The following FSTL5 variants were observed in gnomAD, a reference collection of about 807,000 sequenced individuals.
FSTL5 encodes the protein follistatin like 5.
In FSTL5, 62 loss-of-function variants were observed where a neutral mutation model predicts 89.1. The observed-to-expected ratio is 0.70, with a 90% CI of 0.57 to 0.86. The LOEUF (loss-of-function observed/expected upper bound fraction) is 0.86. Among genes scored for constraint, FSTL5 ranks in the 40% least tolerant of loss-of-function variants. The pLI is 0.00. For synonymous variants in FSTL5, 383 were observed against 346.2 expected (o/e 1.11, Z -1.18); for missense variants, 1,057 against 1,001.6 (o/e 1.06, Z -0.75).
chr4:161,978,563 C>T (rs975366046), intron 3 of FSTL5, among the ~76,000 whole-genome samples: 1 of 151,970 alleles, frequency 6.6e-6, no homozygotes, highest in Non-Finnish European at 1.5e-5. Context: ...ATGAACTTTA[C>T]CCTTAAATAT....
chr4:162,062,951 T>C (rs1738770706), intron 2 of FSTL5, among the ~76,000 whole-genome samples: 1 of 151,732 alleles, frequency 6.6e-6, no homozygotes, highest in Admixed American at 6.6e-5. Context: ...TTTCTTGCCT[T>C]AGGTTCAAAT....
At chr4:161,830,097 G>A (rs1349244454) in intron 4 of FSTL5, among the ~76,000 whole-genome samples, 1 of 151,974 alleles carries the variant, frequency 6.6e-6, no homozygotes, top group Non-Finnish European at 1.5e-5. Flanking sequence ...CATTCAAAGG[G>A]ATTTTTGTTA....
At chr4:162,040,827 T>TTC (rs1737924558) in intron 2 of FSTL5, among the ~76,000 whole-genome samples, 1 of 152,106 alleles carries the variant, frequency 6.6e-6, no homozygotes, top group Admixed American at 6.6e-5. Flanking sequence ...ATCTTTTTTT[T>TTC]TCATTTTTCA....
chr4:161,798,227 A>G (rs1729691783), intron 4 of FSTL5, among the ~76,000 whole-genome samples: 1 of 151,716 alleles, frequency 6.6e-6, no homozygotes, highest in South Asian at 2.1e-4. Flanking sequence ...AATCTATGCT[A>G]CTTTCCAGCT....
chr4:161,598,285 G>A (rs1476269882), intron 7 of FSTL5, among the ~76,000 whole-genome samples: 1 of 152,066 alleles, frequency 6.6e-6, no homozygotes, highest in African/African-American at 2.4e-5. Flanking sequence ...TGAGACAGGA[G>A]AATAGCTTGA....
chr4:162,038,887 A>G (rs1737842657), intron 2 of FSTL5, among the ~76,000 whole-genome samples: 1 of 151,872 alleles, frequency 6.6e-6, no homozygotes, highest in South Asian at 2.1e-4. Context: ...GCATTGAGGT[A>G]GTAAACATTA....
intron 3 of FSTL5, among the ~76,000 whole-genome samples, chr4:161,992,930 G>GTGTA (rs370210932): frequency 1.2e-4 from 1 of 8,044 alleles, no homozygotes; most frequent in South Asian, 0.015. Flanking sequence ...ATATATGTGT[G>GTGTA]TATATATATA....
intron 4 of FSTL5, among the ~76,000 whole-genome samples, chr4:161,872,141 G>GTTTTTTTTTTTTTTTTTTT (rs1171950770): frequency 3.8e-5 from 3 of 79,562 alleles, no homozygotes; most frequent in Admixed American, 1.4e-4. Flanking sequence ...TTTTTTTTTG[G>GTTTTTTTTTTTTTTTTTTT]TTTTTTTTTT....
intron 6 of FSTL5, among the ~76,000 whole-genome samples, chr4:161,681,494 A>G (rs17457435): frequency 0.024 from 3,591 of 152,220 alleles, 52 homozygotes; most frequent in Non-Finnish European, 0.037. Flanking sequence ...CTGACAAATA[A>G]CAAGAGGCAG....
chr4:161,817,182 G>T (rs1185308173), intron 4 of FSTL5, among the ~76,000 whole-genome samples: 2 of 152,062 alleles, frequency 1.3e-5, no homozygotes, highest in African/African-American at 4.8e-5. Flanking sequence ...TTTTATTAGT[G>T]GAGAACTCAT....
chr4:161,454,476 G>A (rs1019046064), intron 15 of FSTL5, among the ~76,000 whole-genome samples: 2 of 152,072 alleles, frequency 1.3e-5, no homozygotes, highest in Admixed American at 1.3e-4. Context: ...TTCTCAAAGT[G>A]CAGACCTGAA....
At chr4:161,713,532 G>C (rs1454264417) in intron 6 of FSTL5, among the ~76,000 whole-genome samples, 2 of 152,116 alleles carry the variant, frequency 1.3e-5, no homozygotes, top group Admixed American at 6.6e-5. Flanking sequence ...GTCTTTCACA[G>C]AACACACTTT....
intron 2 of FSTL5, among the ~76,000 whole-genome samples, chr4:162,097,495 T>A (rs1032335568): frequency 6.6e-6 from 1 of 151,858 alleles, no homozygotes; most frequent in Admixed American, 6.6e-5. Context: ...TCAACACCAT[T>A]TTCTACAAAA....
chr4:161,698,456 G>A (rs907145255), intron 6 of FSTL5, among the ~76,000 whole-genome samples: 2 of 152,176 alleles, frequency 1.3e-5, no homozygotes, highest in Non-Finnish European at 2.9e-5. Flanking sequence ...ACATAGACTT[G>A]TGACTATAGT....
chr4:162,074,988 GT>G (rs1166542604), intron 2 of FSTL5, among the ~76,000 whole-genome samples: 1 of 151,524 alleles, frequency 6.6e-6, no homozygotes, highest in Non-Finnish European at 1.5e-5. Context: ...ATTGAATACT[GT>G]TTTTTACTGA....
chr4:161,562,130 C>A (rs1164419935), intron 8 of FSTL5, among the ~76,000 whole-genome samples: 1 of 152,004 alleles, frequency 6.6e-6, no homozygotes, highest in Non-Finnish European at 1.5e-5. Context: ...TTTTCTTGCT[C>A]TTCCCCACTG....
chr4:161,688,563 G>T (rs951504920), intron 6 of FSTL5, among the ~76,000 whole-genome samples: 1 of 152,172 alleles, frequency 6.6e-6, no homozygotes, highest in Non-Finnish European at 1.5e-5. Context: ...CTCTGGAATG[G>T]AAGGTTGGCA....
intron 15 of FSTL5, among the ~76,000 whole-genome samples, chr4:161,412,594 A>C (rs1281259487): frequency 6.6e-6 from 1 of 152,164 alleles, no homozygotes; most frequent in African/African-American, 2.4e-5. Flanking sequence ...GCACATGCAT[A>C]TATATGTAAC....
intron 3 of FSTL5, among the ~76,000 whole-genome samples, chr4:162,018,861 A>G (rs6824320): frequency 0.097 from 14,712 of 152,188 alleles, 841 homozygotes; most frequent in Non-Finnish European, 0.13. Context: ...CACTATCTCC[A>G]TCAATTACAT....
Sources: allele counts gnomAD v4.1 joint callset (sites outside exome capture counted in the v4.1 genomes callset), GRCh38; gene constraint gnomAD v4.1.1; transcripts MANE v1.5; gene names NCBI Gene and HGNC (gene_info 2026-07-23, HGNC 2026-07-21).